Variants in TRPC4AP observed in about 807,000 individuals in gnomAD.
The protein encoded by TRPC4AP is short transient receptor potential channel 4-associated protein.
TRPC4AP carries 45 observed loss-of-function variants against 99.0 expected under a neutral mutation model. The observed-to-expected ratio is 0.45, with a 90% confidence interval of 0.36 to 0.58. TRPC4AP has a LOEUF of 0.58. Among genes scored for constraint, TRPC4AP ranks in the 20% least tolerant of loss-of-function variants. TRPC4AP has a pLI of 0.00. For missense variants in TRPC4AP, 879 were observed against 985.3 expected, an observed-to-expected ratio of 0.89 and a Z score of 1.44; for synonymous variants, 408 against 385.8, an observed-to-expected ratio of 1.06 and a Z score of -0.67.
At chr20:35,069,626 T>C (rs1312186879) in intron 2 of TRPC4AP, among the ~76,000 whole-genome samples, 1 of 152,116 alleles carries the variant, frequency 6.6e-6, no homozygotes, top group Non-Finnish European at 1.5e-5. Context: ...CAGCATGTGG[T>C]AGAAGTGACA....
At chr20:35,011,539 C>T (rs2082635723) in intron 11 of TRPC4AP, among the ~76,000 whole-genome samples, 1 of 152,072 alleles carries the variant, frequency 6.6e-6, no homozygotes, top group South Asian at 2.1e-4. Context: ...AGGAAAAGAT[C>T]AAAATTCAAA....
intron 8 of TRPC4AP, among the ~76,000 whole-genome samples, chr20:35,031,737 A>G (rs963288869): frequency 1.3e-5 from 2 of 151,920 alleles, no homozygotes; most frequent in South Asian, 2.1e-4. Context: ...AGTGCCCCAC[A>G]TTATTTTAAG....
At chr20:35,037,321 T>C (rs1017236354) in intron 7 of TRPC4AP, among the ~76,000 whole-genome samples, 22 of 122,840 alleles carry the variant, frequency 1.8e-4, no homozygotes, top group African/African-American at 2.3e-4. Flanking sequence ...CACTCCGGCC[T>C]GGGCGAAAGA....
intron 7 of TRPC4AP, among the ~76,000 whole-genome samples, chr20:35,037,991 A>G (rs953355220): frequency 5.3e-5 from 8 of 151,948 alleles, no homozygotes; most frequent in African/African-American, 1.9e-4. Flanking sequence ...AAGTGACAAC[A>G]TGACTGTATA....
chr20:35,014,016 C>T (rs1435504814), intron 10 of TRPC4AP, among the ~76,000 whole-genome samples: 1 of 152,146 alleles, frequency 6.6e-6, no homozygotes, highest in East Asian at 1.9e-4. Flanking sequence ...AGCAAAAGTG[C>T]CCTGTAGAAA....
intron 8 of TRPC4AP, chr20:35,030,448 C>T (rs1484257307): frequency 6.6e-6 from 1 of 152,118 alleles, no homozygotes; most frequent in East Asian, 1.9e-4. Context: ...CTTAGAGCTC[C>T]ATTCCATCTT....
chr20:35,022,758 T>C (rs977979631), intron 8 of TRPC4AP, among the ~76,000 whole-genome samples: 14 of 152,150 alleles, frequency 9.2e-5, no homozygotes, highest in Admixed American at 6.5e-4. Context: ...TGGTGGCTCA[T>C]GCCTATGATC....
chr20:35,054,370 A>C (rs1465002598), intron 5 of TRPC4AP, among the ~76,000 whole-genome samples: 1 of 152,182 alleles, frequency 6.6e-6, no homozygotes, highest in African/African-American at 2.4e-5. Context: ...CACATCTACT[A>C]TCTCATTTCT....
At chr20:35,014,651 T>C (rs991353634) in intron 10 of TRPC4AP, among the ~76,000 whole-genome samples, 6 of 152,140 alleles carry the variant, frequency 3.9e-5, no homozygotes, top group Non-Finnish European at 7.3e-5. Flanking sequence ...CAAAATATAT[T>C]TGCTTGAAAT....
intron 1 of TRPC4AP, among the ~76,000 whole-genome samples, chr20:35,082,204 A>C (rs2084665515): frequency 6.6e-6 from 1 of 152,230 alleles, no homozygotes; most frequent in African/African-American, 2.4e-5. Context: ...CTCTTTCAAA[A>C]ACTGATATAT....
rs998423378 is a variant in TRPC4AP at position 35,084,532 on chromosome 20, ATATATG to A, written c.169-6364_169-6359del. Among the ~76,000 whole-genome samples, 13 of 148,132 alleles carry A rather than the reference ATATATG, an allele frequency of 8.8e-5. No homozygotes were observed. The East Asian group carries it at 1.2e-3, about 13-fold the overall frequency. ...TATACGTATATATGTGTATATATGTATATATGTATATGTATATATGTTTATATGCAT... is the reference window on the plus strand; with the variant it reads ...TATACGTATATATGTGTATATATGTATATATGTATATATGTTTATATGCAT... On this transcript the variant is annotated intron_variant, in intron 1 of 18. Transcript: ENST00000252015.
chr20:35,032,821 T>C (rs1244499783), intron 8 of TRPC4AP, among the ~76,000 whole-genome samples: 2 of 151,060 alleles, frequency 1.3e-5, no homozygotes, highest in African/African-American at 5.0e-5. Flanking sequence ...TCTGGACCCT[T>C]TCACAGGAAA....
rs2082431979 is a variant in TRPC4AP at position 35,003,248 on chromosome 20, T to C, written c.2292A>G (p.Thr764=). The change falls in exon 19 of 19, where the codon ACA becomes ACG. Residue 764 remains threonine (T), a synonymous_variant. Transcript: ENST00000252015. ...GGTCCGGGTTCAACAGGATGGACAC[T>C]GTCTCCTTCCAGTATGAGAAGCTGA... ...SCISFSYWKE[T]VSILLNPDRQ... is the part of the protein sequence containing the mutation. 1.2e-6 allele frequency: 2 copies of C among 1,614,066 alleles called. No homozygotes were observed. Among genetic ancestry groups the C allele is most frequent in the South Asian group, 1.1e-5 (1 of 91,094 alleles).
chr20:35,067,065 GAC>G (rs1188959357), intron 3 of TRPC4AP, among the ~76,000 whole-genome samples: 1 of 152,170 alleles, frequency 6.6e-6, no homozygotes, highest in Admixed American at 6.5e-5. Flanking sequence ...AAAAAGGAGA[GAC>G]AGACATTTCT....
intron 6 of TRPC4AP, 105 bp from the exon 7 acceptor site, chr20:35,044,817 A>C: frequency 2.8e-6 from 3 of 1,077,360 alleles, no homozygotes; most frequent in Non-Finnish European, 4.1e-6. Context: ...TGGCTAGATC[A>C]CTTAGGTTCC....
intron 3 of TRPC4AP, among the ~76,000 whole-genome samples, chr20:35,058,349 G>C (rs1326844483): frequency 6.6e-6 from 1 of 152,162 alleles, no homozygotes; most frequent in Admixed American, 6.5e-5. Context: ...CAAGAACAGA[G>C]TATACATTCT....
chr20:35,044,828 T>C (rs2083523489), intron 6 of TRPC4AP, 116 bp from the exon 7 acceptor site: 5 of 944,198 alleles, frequency 5.3e-6, no homozygotes, highest in African/African-American at 1.6e-5. Flanking sequence ...CTTAGGTTCC[T>C]ATCCCAGCTC....
chr20:35,063,811 G>A (rs564729455), intron 3 of TRPC4AP, among the ~76,000 whole-genome samples: 387 of 152,152 alleles, frequency 2.5e-3, no homozygotes, highest in Non-Finnish European at 4.5e-3. Flanking sequence ...CAGTGAGCTA[G>A]GATCGTACCA....
chr20:35,005,913 G>T, intron 15 of TRPC4AP, 110 bp from the exon 16 acceptor site: 1 of 872,600 alleles, frequency 1.1e-6, no homozygotes, highest in Non-Finnish European at 1.8e-6. Context: ...CAGCCCCACT[G>T]CTTCAGATAG....
Sources: gnomAD v4.1 joint callset for allele counts (sites outside exome capture counted in the v4.1 genomes callset) on GRCh38, gnomAD v4.1.1 for gene constraint, MANE v1.5 for transcripts, NCBI Gene and HGNC (gene_info 2026-07-23, HGNC 2026-07-21) for gene names.